The following ANO3 variants were observed in gnomAD, a reference collection of about 807,000 sequenced individuals.
ANO3 encodes anoctamin-3.
In ANO3, 99 loss-of-function variants were observed where a neutral mutation model predicts 144.8. The ratio of observed to expected loss-of-function variants is 0.68; its 90% CI spans 0.58 to 0.81. The LOEUF (loss-of-function observed/expected upper bound fraction) is 0.81, where lower values mean the gene tolerates loss of function less well. Ranked by LOEUF, ANO3 falls within the 30% of genes least tolerant of loss-of-function variation. The pLI, the probability that ANO3 is intolerant of heterozygous loss-of-function variation, is 0.00. For missense variants in ANO3, 905 were observed against 1,202.2 expected, an observed-to-expected ratio of 0.75 and a Z score of 3.66; for synonymous variants, 414 against 392.6, an observed-to-expected ratio of 1.05 and a Z score of -0.64.
rs980433591 is a variant in ANO3 at position 26,332,136 on chromosome 11, C to G, written c.-140C>G. 3.3e-6 allele frequency: 5 copies of G among 1,522,194 alleles called. No individual in the cohort carries two copies. The highest frequency in any genetic ancestry group is 2.5e-5 in the South Asian group (2 of 78,686). 94.3% of individuals were successfully genotyped at this position (1,522,194 alleles called of 1,614,324 possible). On this transcript the variant is annotated 5_prime_UTR_variant, in exon 1 of 27. Transcript: ENST00000256737. ...ACCGGCGGGCGCGTAGCCTGGAGAGCGAAGTGCCGGCTACAGCAGGTGTCG... is the reference window on the plus strand; with the variant it reads ...ACCGGCGGGCGCGTAGCCTGGAGAGGGAAGTGCCGGCTACAGCAGGTGTCG...
chr11:26,269,809 C>G (rs1345088530), intron 1 of ANO3, among the ~76,000 whole-genome samples: 4 of 152,208 alleles, frequency 2.6e-5, no homozygotes, highest in Non-Finnish European at 5.9e-5. Context: ...CACATCCACC[C>G]TGCCAAAAAA....
At chr11:26,341,761 C>G (rs1179909700) in intron 1 of ANO3, among the ~76,000 whole-genome samples, 2 of 152,144 alleles carry the variant, frequency 1.3e-5, no homozygotes, top group African/African-American at 4.8e-5. Flanking sequence ...AACAGTGCAG[C>G]CTTCAGCTAA....
chr11:26,238,502 G>A (rs1341813761), intron 1 of ANO3, among the ~76,000 whole-genome samples: 1 of 151,966 alleles, frequency 6.6e-6, no homozygotes, highest in African/African-American at 2.4e-5. Flanking sequence ...ATTTACAGTT[G>A]CAACTATTAA....
intron 3 of ANO3, chr11:26,460,095 C>G (rs1307618125): frequency 2.2e-6 from 1 of 454,060 alleles, no homozygotes; most frequent in African/African-American, 2.0e-5. Flanking sequence ...CCAAACAAAC[C>G]ATATCCAAGT....
At chr11:26,559,868 ACACACAC>A in intron 14 of ANO3, 89 bp downstream of exon 14, 1 of 814,490 alleles carries the variant, frequency 1.2e-6, no homozygotes, top group East Asian at 2.7e-5. Flanking sequence ...ACACACACAC[ACACACAC>A]CATGAATCAA....
At chr11:26,575,273 A>G (rs1850956543) in intron 14 of ANO3, among the ~76,000 whole-genome samples, 1 of 151,916 alleles carries the variant, frequency 6.6e-6, no homozygotes, top group African/African-American at 2.4e-5. Flanking sequence ...TTGTTTTATT[A>G]CTTCTGATGA....
rs933059258 is a variant in ANO3 at position 26,661,321 on chromosome 11, C to T, written c.*877C>T. 2 of 152,550 alleles carry T rather than the reference C, an allele frequency of 1.3e-5. No homozygotes were observed. The highest frequency in any genetic ancestry group is 4.8e-5 in the African/African-American group (2 of 41,430). 9.4% of individuals were successfully genotyped at this position (152,550 alleles called of 1,614,324 possible). A position where few individuals can be genotyped will look rare whatever the true frequency, so the allele number is the denominator to read the frequency against. On this transcript the variant is annotated 3_prime_UTR_variant, in exon 27 of 27. Coordinates refer to ENST00000256737, the MANE Select transcript of ANO3 (RefSeq NM_031418.4). ...TTTTTCTCTATGATTTATTACAACT[C>T]TCACGGAATATTAACTTGAAATGCT... is the stretch of plus-strand genomic sequence containing the variant.
rs117627059 is a variant in ANO3 at position 26,341,677 on chromosome 11, C to A, written c.46+9356C>A. Among the ~76,000 whole-genome samples, 582 of 152,204 alleles carry A rather than the reference C, an allele frequency of 3.8e-3. 2 individuals are homozygous for A. Among genetic ancestry groups the A allele is most frequent in the Non-Finnish European group, 6.6e-3 (450 of 68,018 alleles). ...CACAAGGTAAAGTCCCATGATAGGC[C>A]GTCTGCAAGTTGCAGAGCAAGGAAG... On this transcript the variant is annotated intron_variant, in intron 1 of 26. Transcript: ENST00000256737.
chr11:26,438,194 T>C (rs1461409853), intron 1 of ANO3, among the ~76,000 whole-genome samples: 2 of 152,136 alleles, frequency 1.3e-5, no homozygotes, highest in Non-Finnish European at 2.9e-5. Context: ...GCATTTACAA[T>C]AGCCAAAAGA....
At chr11:26,373,263 A>G (rs1404815723) in intron 1 of ANO3, among the ~76,000 whole-genome samples, 2 of 152,130 alleles carry the variant, frequency 1.3e-5, no homozygotes, top group East Asian at 3.9e-4. Flanking sequence ...CGAGGGAGGA[A>G]CCCTGTGGGA....
At chr11:26,639,988 C>T (rs543101107) in intron 21 of ANO3, among the ~76,000 whole-genome samples, 1 of 151,300 alleles carries the variant, frequency 6.6e-6, no homozygotes, top group East Asian at 2.0e-4. Flanking sequence ...AAGTAAGTAG[C>T]TTGGGGTTAT....
intron 1 of ANO3, among the ~76,000 whole-genome samples, chr11:26,318,857 A>G (rs1457556729): frequency 6.6e-6 from 1 of 152,256 alleles, no homozygotes; most frequent in African/African-American, 2.4e-5. Context: ...TGGGCTAAAT[A>G]TATAAGAATT....
At chr11:26,302,424 G>A (rs1854256470) in intron 1 of ANO3, among the ~76,000 whole-genome samples, 1 of 152,144 alleles carries the variant, frequency 6.6e-6, no homozygotes, top group Non-Finnish European at 1.5e-5. Flanking sequence ...GAACCTGGGA[G>A]GCAGTGGTTG....
chr11:26,307,848 T>C (rs1854419956), upstream of ANO3, among the ~76,000 whole-genome samples: 1 of 152,066 alleles, frequency 6.6e-6, no homozygotes, highest in South Asian at 2.1e-4. Flanking sequence ...CTTATAATTA[T>C]GCCTTTTCTG....
intron 4 of ANO3, among the ~76,000 whole-genome samples, chr11:26,467,872 G>A (rs1359914638): frequency 6.6e-6 from 1 of 151,884 alleles, no homozygotes; most frequent in African/African-American, 2.4e-5. Context: ...TGTAATGAAA[G>A]GAAAGGAACA....
intron 1 of ANO3, among the ~76,000 whole-genome samples, chr11:26,204,946 G>T (rs746797110): frequency 1.3e-5 from 2 of 152,130 alleles, no homozygotes; most frequent in African/African-American, 4.8e-5. Context: ...AAGGAAAGAG[G>T]TTTAATTGAC....
intron 1 of ANO3, among the ~76,000 whole-genome samples, chr11:26,257,383 T>C (rs1253518577): frequency 6.6e-6 from 1 of 152,070 alleles, no homozygotes; most frequent in Non-Finnish European, 1.5e-5. Context: ...TTCAGGTGTT[T>C]TGACTCCAAA....
rs571642397 is a variant in ANO3 at position 26,280,414 on chromosome 11, C to A, written c.155-29231C>A. 1.8e-4 allele frequency among the ~76,000 whole-genome samples: 27 copies of A among 152,234 alleles called. 1 individual carries two copies. In the South Asian group the frequency reaches 5.6e-3, roughly 32 times the overall value. On this transcript the variant is annotated intron_variant, in intron 1 of 27. Transcript: ENST00000672621. ...GTGAGATCCCACAGTAGGCCATCTA[C>A]AAGCTGAAGAGCGAGGAAGCCAGTC...
intron 4 of ANO3, among the ~76,000 whole-genome samples, chr11:26,497,107 TGTATATATGTATACAC>T: frequency 6.6e-6 from 1 of 151,662 alleles, no homozygotes; most frequent in East Asian, 1.9e-4. Context: ...TTTCTGTGTG[TGTATATATGTATACAC>T]GTATATATGT....
Sources: allele counts gnomAD v4.1 joint callset (sites outside exome capture counted in the v4.1 genomes callset), GRCh38; gene constraint gnomAD v4.1.1; transcripts MANE v1.5; gene names NCBI Gene and HGNC (gene_info 2026-07-23, HGNC 2026-07-21).